IL6ST: variants seen among roughly 807,000 people sequenced by gnomAD.
The protein encoded by IL6ST is interleukin-6 receptor subunit beta.
IL6ST carries 24 observed loss-of-function variants against 91.3 expected under a neutral mutation model. The ratio of observed to expected loss-of-function variants is 0.26; its 90% CI spans 0.19 to 0.37. The LOEUF (loss-of-function observed/expected upper bound fraction) is 0.37, where lower values mean the gene tolerates loss of function less well. IL6ST is among the 10% of genes least tolerant of loss of function. IL6ST has a pLI of 1.00. For synonymous variants in IL6ST, 351 were observed against 373.6 expected (o/e 0.94, Z 0.70); for missense variants, 914 against 1,078.5 (o/e 0.85, Z 2.14).
chr5:55,989,568 C>T (rs1215438796), intron 1 of IL6ST, among the ~76,000 whole-genome samples: 2 of 152,190 alleles, frequency 1.3e-5, no homozygotes, highest in Admixed American at 6.5e-5. Context: ...AAAAGGTTTA[C>T]AGAGCACTTT....
At chr5:55,985,601 G>A (rs963639007) in intron 1 of IL6ST, among the ~76,000 whole-genome samples, 2 of 152,006 alleles carry the variant, frequency 1.3e-5, no homozygotes, top group Non-Finnish European at 2.9e-5. Flanking sequence ...GGTCATTTAG[G>A]TCTCAGTTAT....
chr5:55,962,726 C>A (rs936836418), intron 7 of IL6ST, among the ~76,000 whole-genome samples: 17 of 151,686 alleles, frequency 1.1e-4, no homozygotes, highest in Non-Finnish European at 2.1e-4. Context: ...GCACACCAAT[C>A]CCTACACTAG....
chr5:55,994,428 T>A (rs925546298), intron 1 of IL6ST, among the ~76,000 whole-genome samples: 1 of 151,830 alleles, frequency 6.6e-6, no homozygotes, highest in African/African-American at 2.4e-5. Flanking sequence ...GCGGAGCGAA[T>A]AGAATTTCAG....
At position 55,951,483 on chromosome 5, in the gene IL6ST, A is replaced by C; in HGVS notation, c.1821T>G (p.Thr607=). Residue 607 remains threonine (T), a synonymous_variant, in exon 14 of 17, where the codon ACT becomes ACG. Coordinates refer to ENST00000381298, the MANE Select transcript of IL6ST (RefSeq NM_002184.4). ...DEGGKDGPEF[T]FTTPKFAQGE... ...TCTTACCAAACTTTGGGGTAGTAAAAGTGAATTCTGGACCATCCTTCCCAC... is the reference window on the plus strand; with the variant it reads ...TCTTACCAAACTTTGGGGTAGTAAACGTGAATTCTGGACCATCCTTCCCAC... 6.2e-7 allele frequency: 1 copy of C among 1,612,120 alleles called. No homozygotes were observed. The highest frequency in any genetic ancestry group is 8.5e-7 in the Non-Finnish European group (1 of 1,179,370).
At chr5:55,953,652 C>T (rs1484432716) in intron 11 of IL6ST, among the ~76,000 whole-genome samples, 1 of 152,218 alleles carries the variant, frequency 6.6e-6, no homozygotes, top group African/African-American at 2.4e-5. Flanking sequence ...TCCCAAAGTG[C>T]TGGAATTACA....
At chr5:55,973,404 T>C (rs181285153) in intron 3 of IL6ST, among the ~76,000 whole-genome samples, 16 of 152,228 alleles carry the variant, frequency 1.1e-4, no homozygotes, top group African/African-American at 1.7e-4. Context: ...AGAGGCTAGA[T>C]CATTAAAAGA....
rs557333075 is a variant in IL6ST, at chr5:55,940,544, G to A, written c.*538C>T. On this transcript the variant is annotated 3_prime_UTR_variant, in exon 17 of 17. Coordinates refer to ENST00000381298, the MANE Select transcript of IL6ST (RefSeq NM_002184.4). ...GAATACCGTGTACACTGATATACAC[G>A]AAGCTGCTCCTCATTTTTTTGTCAG... The A allele has an allele frequency of 9.3e-6, 2 of 214,454 alleles. No homozygotes were observed. The highest frequency in any genetic ancestry group is 1.4e-4 in the East Asian group (2 of 14,310). 13.3% of individuals were successfully genotyped at this position (214,454 alleles called of 1,614,324 possible).
chr5:55,973,750 G>C (rs1013401055), intron 3 of IL6ST, among the ~76,000 whole-genome samples: 2 of 152,138 alleles, frequency 1.3e-5, no homozygotes, highest in Non-Finnish European at 2.9e-5. Flanking sequence ...TGAAGATTTG[G>C]AGTATTTGTG....
At position 55,936,341 on chromosome 5, in the gene IL6ST, GTTTTTT is replaced by G. The variant is rs57970223; in HGVS notation, c.*4735_*4740del. On this transcript the variant is annotated 3_prime_UTR_variant, in exon 17 of 17. Coordinates refer to ENST00000381298, the MANE Select transcript of IL6ST (RefSeq NM_002184.4). ...ACTTGGGCTCTTGACAACCAAGTAG[GTTTTTT>G]TTTTTTTTTTTTTTTTTAATGTCCA... is the stretch of plus-strand genomic sequence containing the variant. 4.6e-4 allele frequency: 69 copies of G among 149,286 alleles called. No homozygotes were observed. The highest frequency in any genetic ancestry group is 1.8e-3 in the African/African-American group (59 of 33,518). The allele number at this position is 149,286 out of a possible 1,614,324, so 9.2% of individuals were successfully genotyped here.
Position 55,939,866 on chromosome 5 carries a change from C to A in IL6ST, c.*1216G>T, listed in dbSNP as rs531786733. The A allele has an allele frequency of 8.8e-4, 178 of 203,282 alleles. No individual in the cohort carries two copies. The highest frequency in any genetic ancestry group is 3.9e-3 in the African/African-American group (172 of 43,840). 12.6% of individuals were successfully genotyped at this position (203,282 alleles called of 1,614,324 possible). A position where few individuals can be genotyped will look rare whatever the true frequency, so the allele number is the denominator to read the frequency against. The stretch of plus-strand genomic sequence containing the variant: ...AGAACTGCAGACATTAAAATACCAT[C>A]TCTTTATTAAGTGTCTCTACAATAA... On this transcript the variant is annotated 3_prime_UTR_variant, in exon 17 of 17. Coordinates refer to ENST00000381298, the MANE Select transcript of IL6ST (RefSeq NM_002184.4).
intron 8 of IL6ST, chr5:55,959,776 T>A: frequency 2.2e-6 from 1 of 447,376 alleles, no homozygotes; most frequent in Non-Finnish European, 4.0e-6. Flanking sequence ...ATTCAGGATA[T>A]GATTCTCTAG....
At chr5:55,951,160 A>G (rs2111671413) in intron 14 of IL6ST, among the ~76,000 whole-genome samples, 1 of 152,290 alleles carries the variant, frequency 6.6e-6, no homozygotes, top group East Asian at 1.9e-4. Flanking sequence ...AATAAAAGAA[A>G]GAAATGAGGA....
chr5:55,938,652 C>CATAA lies in IL6ST; in HGVS notation c.*2426_*2429dup. 2 of 195,436 alleles carry CATAA rather than the reference C, an allele frequency of 1.0e-5. No individual in the cohort carries two copies. Among genetic ancestry groups the CATAA allele is most frequent in the Non-Finnish European group, 2.1e-5 (2 of 93,890 alleles). The allele number at this position is 195,436 out of a possible 1,614,324, so 12.1% of individuals were successfully genotyped here. ...ACTAACTTTATTAGACTAGTTTTTA[C>CATAA]ATAAATAACCAGATTTCTTTGCCTA... On this transcript the variant is annotated 3_prime_UTR_variant, in exon 17 of 17. Transcript: ENST00000381298.
intron 16 of IL6ST, among the ~76,000 whole-genome samples, 159 bp from the exon 17 acceptor site, chr5:55,941,978 G>A (rs1342272553): frequency 1.3e-5 from 2 of 152,100 alleles, no homozygotes; most frequent in Non-Finnish European, 2.9e-5. Flanking sequence ...TATAAAATGA[G>A]TCTAAGTAGT....
At chr5:55,973,783 C>T (rs1215115170) in intron 3 of IL6ST, among the ~76,000 whole-genome samples, 2 of 152,154 alleles carry the variant, frequency 1.3e-5, no homozygotes, top group African/African-American at 4.8e-5. Context: ...GTAGCTAATG[C>T]AGTCCTGTTA....
Position 55,963,582 on chromosome 5 carries a change from T to G in IL6ST, c.659-76A>C, listed in dbSNP as rs958041856. 6.3e-5 allele frequency: 65 copies of G among 1,033,948 alleles called. 1 individual carries two copies. The Middle Eastern group carries it at 2.0e-3, about 31-fold the overall frequency. 64.0% of individuals were successfully genotyped at this position (1,033,948 alleles called of 1,614,324 possible). Reference sequence around the variant, plus strand: ...ACAAACTCAAATATACTCTTTATATTGTCCTTCCTTTATTTTACAATAATT... The same window carrying G: ...ACAAACTCAAATATACTCTTTATATGGTCCTTCCTTTATTTTACAATAATT... On this transcript the variant is annotated intron_variant, in intron 6 of 16. Transcript: ENST00000381298.
intron 7 of IL6ST, among the ~76,000 whole-genome samples, chr5:55,962,992 C>T (rs143424441): frequency 2.2e-4 from 33 of 151,832 alleles, no homozygotes; most frequent in African/African-American, 8.0e-4. Flanking sequence ...TGTGGTGGTG[C>T]ACACCTGTAG....
chr5:55,989,837 AC>A (rs1754209269), intron 1 of IL6ST, among the ~76,000 whole-genome samples: 1 of 152,186 alleles, frequency 6.6e-6, no homozygotes, highest in African/African-American at 2.4e-5. Flanking sequence ...TATGAACTCT[AC>A]ATCATCTTTG....
intron 5 of IL6ST, 110 bp downstream of exon 5, chr5:55,968,166 A>C (rs1227236144): frequency 6.9e-6 from 7 of 1,020,600 alleles, no homozygotes; most frequent in Non-Finnish European, 9.9e-6. Flanking sequence ...AGAATAAAAA[A>C]TTAAATGTTT....
Sources: gnomAD v4.1 joint callset for allele counts (sites outside exome capture counted in the v4.1 genomes callset) on GRCh38, gnomAD v4.1.1 for gene constraint, MANE v1.5 for transcripts, NCBI Gene and HGNC (gene_info 2026-07-23, HGNC 2026-07-21) for gene names.